Variants in CDH11 observed in about 807,000 individuals in gnomAD.
The protein encoded by CDH11 is cadherin 11, also known as cadherin-11.
A neutral mutation model predicts 67.8 loss-of-function variants in CDH11; 11 were observed. That is an observed-to-expected ratio of 0.16 (90% CI 0.10 to 0.27). The LOEUF is 0.27. CDH11 is among the 10% of genes least tolerant of loss of function. The pLI is 1.00. For synonymous variants in CDH11, 419 were observed against 400.0 expected (o/e 1.05, Z -0.57); for missense variants, 847 against 1,031.2 (o/e 0.82, Z 2.45).
chr16:65,015,585 C>A (rs958509055), intron 2 of CDH11, among the ~76,000 whole-genome samples: 2 of 152,108 alleles, frequency 1.3e-5, no homozygotes, highest in Non-Finnish European at 2.9e-5. Context: ...AACAGTCCCC[C>A]CTTTAAACTA....
chr16:64,973,883 T>C (rs1178281197), intron 8 of CDH11, among the ~76,000 whole-genome samples: 1 of 152,154 alleles, frequency 6.6e-6, no homozygotes, highest in Non-Finnish European at 1.5e-5. Flanking sequence ...TCAGGGGTTC[T>C]CAGTTAGCTT....
intron 1 of CDH11, among the ~76,000 whole-genome samples, chr16:65,073,623 T>C (rs1378435429): frequency 6.6e-6 from 1 of 152,164 alleles, no homozygotes; most frequent in African/African-American, 2.4e-5. Context: ...TACTGCTTTT[T>C]TGGGTACCCT....
chr16:65,032,870 C>T (rs926487391), intron 2 of CDH11, among the ~76,000 whole-genome samples: 4 of 152,100 alleles, frequency 2.6e-5, no homozygotes, highest in Non-Finnish European at 5.9e-5. Flanking sequence ...AGAGGTGAGA[C>T]CTAATCCTGA....
chr16:65,032,621 G>A (rs980654573), intron 2 of CDH11, among the ~76,000 whole-genome samples: 1 of 152,148 alleles, frequency 6.6e-6, no homozygotes, highest in Non-Finnish European at 1.5e-5. Flanking sequence ...CTCTAAGTCT[G>A]CAGCAAAAAC....
chr16:64,972,054 A>G lies in CDH11; in HGVS notation c.1401T>C (p.His467=), dbSNP rs1280935004. 1 of 1,613,688 alleles carries G rather than the reference A, an allele frequency of 6.2e-7. No individual in the cohort carries two copies. The highest frequency in any genetic ancestry group is 8.5e-7 in the Non-Finnish European group (1 of 1,179,762). Residue 467 remains histidine, a synonymous_variant, in exon 10 of 13, where the codon CAT becomes CAC. Coordinates refer to ENST00000268603, the MANE Select transcript of CDH11 (RefSeq NM_001797.4). The part of the protein sequence containing the change: ...TVFAAEIHNR[H]QEAKVPVAIR... ...TGGCCACTGGGACTTTGGCTTCCTG[A>G]TGCCGATTGTCTGGGAAGACAGAAT...
intron 2 of CDH11, among the ~76,000 whole-genome samples, chr16:65,024,676 A>G (rs2073496726): frequency 6.6e-6 from 1 of 152,228 alleles, no homozygotes; most frequent in Non-Finnish European, 1.5e-5. Flanking sequence ...AGCATAAAAC[A>G]TCTGTTCAAT....
intron 1 of CDH11, among the ~76,000 whole-genome samples, chr16:65,068,839 TG>T (rs1377077565): frequency 7.9e-5 from 12 of 152,242 alleles, no homozygotes; most frequent in African/African-American, 2.9e-4. Context: ...AAAAATGCTC[TG>T]AGCAATTAAG....
intron 11 of CDH11, among the ~76,000 whole-genome samples, chr16:64,958,570 A>T (rs1307707778): frequency 2.6e-5 from 4 of 152,172 alleles, no homozygotes; most frequent in Non-Finnish European, 5.9e-5. Context: ...AAACTGAGAA[A>T]CTAAGAGGGA....
At chr16:64,968,822 G>A (rs1229884863) in intron 11 of CDH11, among the ~76,000 whole-genome samples, 4 of 152,140 alleles carry the variant, frequency 2.6e-5, no homozygotes, top group African/African-American at 4.8e-5. Context: ...TGGTAACTCA[G>A]TAGGCTATTA....
At chr16:65,008,724 C>T (rs1267334766) in intron 2 of CDH11, among the ~76,000 whole-genome samples, 1 of 152,128 alleles carries the variant, frequency 6.6e-6, no homozygotes, top group Non-Finnish European at 1.5e-5. Context: ...ACAATCACAA[C>T]TCTTGCCATT....
At chr16:64,957,722 TAG>T (rs2071557597) in intron 11 of CDH11, among the ~76,000 whole-genome samples, 1 of 151,888 alleles carries the variant, frequency 6.6e-6, no homozygotes, top group Admixed American at 6.6e-5. Context: ...AATTTCTTAG[TAG>T]AGTTATAAGC....
Position 65,032,968 on chromosome 16 carries a change from T to A in CDH11, c.-173+20836A>T, listed in dbSNP as rs150763589. Among the ~76,000 whole-genome samples, 983 of 152,340 alleles carry A rather than the reference T, an allele frequency of 6.5e-3. 14 individuals are homozygous for A. Among genetic ancestry groups the A allele is most frequent in the African/African-American group, 0.022 (894 of 41,578 alleles). On this transcript the variant is annotated intron_variant, in intron 2 of 12. Coordinates refer to ENST00000268603, the MANE Select transcript of CDH11 (RefSeq NM_001797.4). ...TAGGCATCTTCTAGACAGCCACGCT[T>A]TTCCTCAGACCAATCAAGTTTGAGC...
At chr16:65,031,539 G>A (rs1159078526) in intron 2 of CDH11, among the ~76,000 whole-genome samples, 2 of 152,132 alleles carry the variant, frequency 1.3e-5, no homozygotes, top group African/African-American at 4.8e-5. Context: ...AAATGCTCAA[G>A]GTGAGGAACA....
chr16:65,017,929 A>G (rs1402036897), intron 2 of CDH11, among the ~76,000 whole-genome samples: 1 of 152,188 alleles, frequency 6.6e-6, no homozygotes, highest in Non-Finnish European at 1.5e-5. Flanking sequence ...AAAACAAATC[A>G]TGGTAGAACT....
At chr16:64,979,576 G>T (rs569340174) in intron 8 of CDH11, among the ~76,000 whole-genome samples, 1 of 151,840 alleles carries the variant, frequency 6.6e-6, no homozygotes, top group African/African-American at 2.4e-5. Flanking sequence ...GCAAAAAAGT[G>T]TTGGTGAGAA....
At chr16:64,994,760 A>T (rs1240342918) in intron 4 of CDH11, among the ~76,000 whole-genome samples, 5 of 152,186 alleles carry the variant, frequency 3.3e-5, no homozygotes, top group African/African-American at 1.2e-4. Flanking sequence ...GGAAAAGAAG[A>T]AGTCAAATTA....
At chr16:65,031,132 AC>A (rs1259615507) in intron 2 of CDH11, among the ~76,000 whole-genome samples, 1 of 152,234 alleles carries the variant, frequency 6.6e-6, no homozygotes, top group Non-Finnish European at 1.5e-5. Context: ...AGGAGCATGT[AC>A]CACGCTGGAT....
At chr16:65,053,979 C>A in intron 1 of CDH11, 51 bp from the exon 2 acceptor site, 1 of 454,198 alleles carries the variant, frequency 2.2e-6, no homozygotes, top group Non-Finnish European at 4.4e-6. Flanking sequence ...ATGAATTGAC[C>A]AAGTGATACA....
At chr16:64,952,941 G>A (rs2071401269) in intron 11 of CDH11, among the ~76,000 whole-genome samples, 1 of 152,056 alleles carries the variant, frequency 6.6e-6, no homozygotes, top group Admixed American at 6.6e-5. Context: ...ACCCTCCCCT[G>A]AATACCAAAA....
Sources: gnomAD v4.1 joint callset for allele counts (sites outside exome capture counted in the v4.1 genomes callset) on GRCh38, gnomAD v4.1.1 for gene constraint, MANE v1.5 for transcripts, NCBI Gene and HGNC (gene_info 2026-07-23, HGNC 2026-07-21) for gene names.